The following TRAPPC9 variants were observed in gnomAD, a reference collection of about 807,000 sequenced individuals.
TRAPPC9 encodes trafficking protein particle complex subunit 9.
A neutral mutation model predicts 124.0 loss-of-function variants in TRAPPC9; 83 were observed. The ratio of observed to expected loss-of-function variants is 0.67; its 90% confidence interval spans 0.56 to 0.80. TRAPPC9 has a LOEUF of 0.80. TRAPPC9 is among the 30% of genes least tolerant of loss of function. The pLI is 0.00. For missense variants in TRAPPC9, 1,302 were observed against 1,508.3 expected (o/e 0.86, Z 2.27); for synonymous variants, 638 against 617.5 (o/e 1.03, Z -0.49).
chr8:139,872,550 G>T, intron 21 of TRAPPC9, among the ~76,000 whole-genome samples: 1 of 130,596 alleles, frequency 7.7e-6, no homozygotes, highest in South Asian at 2.9e-4. Context: ...ATGGATGGAC[G>T]GATGGATGGG....
At chr8:140,164,867 TC>T (rs1443747270) in intron 17 of TRAPPC9, among the ~76,000 whole-genome samples, 1 of 152,044 alleles carries the variant, frequency 6.6e-6, no homozygotes, top group Admixed American at 6.5e-5. Flanking sequence ...CATACCTAAC[TC>T]CTGGCTCAAG....
At chr8:139,766,012 CA>C (rs1221625832) in intron 21 of TRAPPC9, among the ~76,000 whole-genome samples, 1 of 152,228 alleles carries the variant, frequency 6.6e-6, no homozygotes, top group Non-Finnish European at 1.5e-5. Context: ...GCTACCAGCA[CA>C]AACATCATCA....
intron 6 of TRAPPC9, among the ~76,000 whole-genome samples, chr8:140,404,739 C>T (rs969751963): frequency 5.3e-5 from 8 of 151,050 alleles, no homozygotes; most frequent in Non-Finnish European, 8.9e-5. Flanking sequence ...CATGTGTGCA[C>T]GCGTGAGCAT....
At chr8:140,021,430 A>G (rs1839831525) in intron 18 of TRAPPC9, among the ~76,000 whole-genome samples, 1 of 152,256 alleles carries the variant, frequency 6.6e-6, no homozygotes, top group African/African-American at 2.4e-5. Flanking sequence ...TGTGCTATAC[A>G]CTACAGAATT....
intron 21 of TRAPPC9, among the ~76,000 whole-genome samples, chr8:139,878,799 T>C (rs1334178779): frequency 6.6e-6 from 1 of 152,148 alleles, no homozygotes; most frequent in Non-Finnish European, 1.5e-5. Context: ...ACCCCATCTC[T>C]ACAAAAATTA....
chr8:139,834,307 G>A (rs149342900), intron 21 of TRAPPC9, among the ~76,000 whole-genome samples: 2 of 152,316 alleles, frequency 1.3e-5, no homozygotes, highest in Non-Finnish European at 2.9e-5. Flanking sequence ...GAAACCTGAC[G>A]CAACTCCATA....
At chr8:139,989,588 C>T (rs1407259371) in intron 18 of TRAPPC9, among the ~76,000 whole-genome samples, 1 of 152,242 alleles carries the variant, frequency 6.6e-6, no homozygotes, top group African/African-American at 2.4e-5. Context: ...CCGCCTTCCT[C>T]ATTCCCCTTC....
chr8:139,880,601 AGTGCCCACGTCACAATCGAGAGTCAC>A (rs1280150971), intron 21 of TRAPPC9, among the ~76,000 whole-genome samples: 1 of 152,194 alleles, frequency 6.6e-6, no homozygotes, highest in African/African-American at 2.4e-5. Flanking sequence ...AAGTTCCAAC[AGTGCCCACGTCACAATCGAGAGTCAC>A]GTGCCCATGT....
intron 17 of TRAPPC9, among the ~76,000 whole-genome samples, chr8:140,059,748 C>G (rs2132131094): frequency 6.6e-6 from 1 of 152,280 alleles, no homozygotes; most frequent in African/African-American, 2.4e-5. Context: ...CACATTTTTG[C>G]ACACTTCTAA....
intron 21 of TRAPPC9, among the ~76,000 whole-genome samples, chr8:139,868,599 A>AG (rs1354596071): frequency 1.3e-5 from 2 of 152,228 alleles, no homozygotes; most frequent in Admixed American, 6.5e-5. Context: ...TTGAAACCAC[A>AG]GTAACTGTGT....
intron 6 of TRAPPC9, 120 bp downstream of exon 6, chr8:140,405,457 G>T: frequency 1.8e-6 from 2 of 1,116,082 alleles, no homozygotes; most frequent in Non-Finnish European, 2.7e-6. Flanking sequence ...TAGAGAGCAA[G>T]ACATGAATAC....
chr8:139,988,383 G>C (rs141453360), intron 19 of TRAPPC9, among the ~76,000 whole-genome samples: 3,081 of 152,064 alleles, frequency 0.02, 89 homozygotes, highest in African/African-American at 0.069. Flanking sequence ...CAAAGTGTTA[G>C]GATTACAGGC....
At chr8:139,925,640 C>G (rs1411929427) in intron 19 of TRAPPC9, among the ~76,000 whole-genome samples, 3 of 151,678 alleles carry the variant, frequency 2.0e-5, no homozygotes, top group African/African-American at 7.3e-5. Context: ...CCCAGCTACT[C>G]AGGAGGCTGA....
In TRAPPC9 at chr8:140,291,859, G is replaced by A. The variant is rs566168644; in HGVS notation, c.1769-781C>T. ...GCCTCTGGGAGCTGAAAGCAGCACC[G>A]GCAGACAGCTGGCAAGAGAACGGGG... On this transcript the variant is annotated intron_variant, in intron 11 of 22. Transcript: ENST00000438773. Among the ~76,000 whole-genome samples the A allele has an allele frequency of 4.6e-5, 7 of 152,302 alleles. No homozygotes were observed. The East Asian group carries it at 7.7e-4, about 17-fold the overall frequency.
chr8:140,370,766 T>C (rs754713418), intron 8 of TRAPPC9, among the ~76,000 whole-genome samples, 198 bp downstream of exon 8: 1 of 152,194 alleles, frequency 6.6e-6, no homozygotes, highest in Non-Finnish European at 1.5e-5. Flanking sequence ...GATTCAAGAA[T>C]CCGAGCCCCA....
chr8:140,316,356 T>C (rs763724397), intron 9 of TRAPPC9, among the ~76,000 whole-genome samples: 1 of 152,232 alleles, frequency 6.6e-6, no homozygotes, highest in Admixed American at 6.5e-5. Flanking sequence ...TGTACTCCTA[T>C]GAACAAAATT....
chr8:139,836,076 T>TCAGCG, intron 21 of TRAPPC9, among the ~76,000 whole-genome samples: 1 of 152,240 alleles, frequency 6.6e-6, no homozygotes, highest in East Asian at 1.9e-4. Flanking sequence ...TGGTACCATT[T>TCAGCG]CAGCGCAGCG....
chr8:139,786,946 C>T (rs940726214), intron 21 of TRAPPC9, among the ~76,000 whole-genome samples: 2 of 152,210 alleles, frequency 1.3e-5, no homozygotes, highest in African/African-American at 4.8e-5. Flanking sequence ...GCACTCCGTC[C>T]AATCTTGGTG....
At chr8:139,876,013 G>T (rs1330785138) in intron 21 of TRAPPC9, among the ~76,000 whole-genome samples, 4 of 152,260 alleles carry the variant, frequency 2.6e-5, no homozygotes, top group African/African-American at 7.2e-5. Context: ...CGGCTAGTGG[G>T]AGCCGGCTTT....
Sources: allele counts gnomAD v4.1 joint callset (sites outside exome capture counted in the v4.1 genomes callset), GRCh38; gene constraint gnomAD v4.1.1; transcripts MANE v1.5; gene names NCBI Gene and HGNC (gene_info 2026-07-23, HGNC 2026-07-21).